The following CDH13 variants were observed in gnomAD, a reference collection of about 807,000 sequenced individuals.
CDH13 encodes cadherin-13.
A neutral mutation model predicts 63.8 loss-of-function variants in CDH13; 24 were observed. The observed-to-expected ratio is 0.38, with a 90% CI of 0.27 to 0.53. The LOEUF is 0.53. Ranked by LOEUF, CDH13 falls within the 20% of genes least tolerant of loss-of-function variation. CDH13 has a pLI of 0.85. For synonymous variants in CDH13, 503 were observed against 355.3 expected, an observed-to-expected ratio of 1.42 and a Z score of -4.67; for missense variants, 1,049 against 903.1, an observed-to-expected ratio of 1.16 and a Z score of -2.07.
chr16:83,065,680 G>A (rs1226622543), intron 3 of CDH13, among the ~76,000 whole-genome samples: 1 of 151,216 alleles, frequency 6.6e-6, no homozygotes, highest in African/African-American at 2.4e-5. Flanking sequence ...ATTCTAGCCT[G>A]GGTGACAGAA....
At chr16:82,671,673 C>T (rs1039857872) in intron 1 of CDH13, among the ~76,000 whole-genome samples, 4 of 152,128 alleles carry the variant, frequency 2.6e-5, no homozygotes, top group Non-Finnish European at 4.4e-5. Flanking sequence ...TGCTGATCTT[C>T]GTGAATCCAA....
intron 1 of CDH13, among the ~76,000 whole-genome samples, chr16:82,629,722 A>C (rs1907782567): frequency 6.6e-6 from 1 of 152,152 alleles, no homozygotes; most frequent in Non-Finnish European, 1.5e-5. Flanking sequence ...GGAGGTGAGG[A>C]ATTCTAAGCA....
At chr16:83,038,939 C>T (rs1393169157) in intron 3 of CDH13, among the ~76,000 whole-genome samples, 1 of 152,152 alleles carries the variant, frequency 6.6e-6, no homozygotes, top group Non-Finnish European at 1.5e-5. Context: ...TGGGAAGTGA[C>T]ATCAAGGGGC....
At chr16:82,993,496 G>A (rs569838792) in intron 2 of CDH13, among the ~76,000 whole-genome samples, 79 of 152,212 alleles carry the variant, frequency 5.2e-4, no homozygotes, top group African/African-American at 1.8e-3. Flanking sequence ...TGACTTCCTC[G>A]CCAGCCTCTT....
chr16:82,985,798 C>T (rs1162116169), intron 2 of CDH13, among the ~76,000 whole-genome samples: 1 of 152,174 alleles, frequency 6.6e-6, no homozygotes, highest in Non-Finnish European at 1.5e-5. Flanking sequence ...AAATGGTTTA[C>T]TACCATCTTG....
intron 1 of CDH13, among the ~76,000 whole-genome samples, chr16:82,742,438 TAACTG>T: frequency 6.6e-6 from 1 of 152,332 alleles, no homozygotes; most frequent in South Asian, 2.1e-4. Context: ...CTTGTACTGT[TAACTG>T]GGCTTGTGTG....
intron 7 of CDH13, among the ~76,000 whole-genome samples, chr16:83,587,873 C>A (rs1240108328): frequency 2.0e-5 from 3 of 152,194 alleles, no homozygotes; most frequent in South Asian, 2.1e-4. Flanking sequence ...GCAAATATGG[C>A]CCCCCAGGGT....
chr16:83,781,491 C>T (rs1915519315), intron 12 of CDH13, among the ~76,000 whole-genome samples: 1 of 152,156 alleles, frequency 6.6e-6, no homozygotes, highest in East Asian at 1.9e-4. Context: ...TTGTGCATAA[C>T]ATTTTCTATT....
chr16:83,140,672 C>G (rs2036491562), intron 4 of CDH13, among the ~76,000 whole-genome samples: 1 of 152,132 alleles, frequency 6.6e-6, no homozygotes, highest in Admixed American at 6.5e-5. Context: ...CCAGGCTTGT[C>G]TCGAACTCCT....
At chr16:83,623,492 G>A (rs1040406807) in intron 8 of CDH13, among the ~76,000 whole-genome samples, 2 of 152,128 alleles carry the variant, frequency 1.3e-5, no homozygotes, top group Non-Finnish European at 2.9e-5. Context: ...CGTCCCCTTC[G>A]GCCTCGGAGC....
In CDH13 at chr16:82,841,877, G is replaced by A. The variant is rs547913680; in HGVS notation, c.46-16485G>A. Among the ~76,000 whole-genome samples, 24 of 151,878 alleles carry A rather than the reference G, an allele frequency of 1.6e-4. No individual in the cohort carries two copies. The South Asian group carries it at 3.5e-3, about 22-fold the overall frequency. ...GTTGTACACAGCTCTTCACAACTCC[G>A]TATTCAGTGATTTCACATTAGTAGC... On this transcript the variant is annotated intron_variant, in intron 1 of 13. Transcript: ENST00000567109.
chr16:82,792,210 T>G (rs1001703920), intron 1 of CDH13, among the ~76,000 whole-genome samples: 2 of 152,174 alleles, frequency 1.3e-5, no homozygotes, highest in African/African-American at 4.8e-5. Context: ...CACCTTGCTG[T>G]CCTGGCATCC....
intron 7 of CDH13, among the ~76,000 whole-genome samples, chr16:83,586,824 T>A (rs1906207869): frequency 6.6e-6 from 1 of 152,216 alleles, no homozygotes; most frequent in African/African-American, 2.4e-5. Context: ...TTTTTCTCCC[T>A]GGTCCACGAA....
chr16:82,837,516 C>T (rs59506198), intron 1 of CDH13, among the ~76,000 whole-genome samples: 19,822 of 152,040 alleles, frequency 0.13, 1,645 homozygotes, highest in African/African-American at 0.23. Flanking sequence ...AGATTTATTA[C>T]GGTGAAAATA....
chr16:83,399,035 G>C (rs1366947956), intron 6 of CDH13, among the ~76,000 whole-genome samples: 1 of 152,166 alleles, frequency 6.6e-6, no homozygotes, highest in Non-Finnish European at 1.5e-5. Context: ...CAAAGCCATA[G>C]ACCATTCAAA....
At chr16:82,968,259 T>C (rs1013712751) in intron 2 of CDH13, among the ~76,000 whole-genome samples, 3 of 152,224 alleles carry the variant, frequency 2.0e-5, no homozygotes, top group Non-Finnish European at 4.4e-5. Context: ...TCAAGTATCC[T>C]AGCACGTCAA....
chr16:82,752,603 G>A (rs898032273), intron 1 of CDH13, among the ~76,000 whole-genome samples: 15 of 152,186 alleles, frequency 9.9e-5, no homozygotes, highest in African/African-American at 3.6e-4. Flanking sequence ...TCATGTGCAA[G>A]TAACAAACAC....
chr16:83,580,051 A>G (rs1905412487), intron 7 of CDH13, among the ~76,000 whole-genome samples: 1 of 152,074 alleles, frequency 6.6e-6, no homozygotes, highest in African/African-American at 2.4e-5. Flanking sequence ...AGTACTGCTG[A>G]TAGATAATGG....
intron 5 of CDH13, among the ~76,000 whole-genome samples, chr16:83,300,038 C>A (rs1315496577): frequency 6.6e-6 from 1 of 152,160 alleles, no homozygotes; most frequent in Non-Finnish European, 1.5e-5. Context: ...GGAGTAATAT[C>A]CCATCACTTT....
Sources: gnomAD v4.1 joint callset for allele counts (sites outside exome capture counted in the v4.1 genomes callset) on GRCh38, gnomAD v4.1.1 for gene constraint, MANE v1.5 for transcripts, NCBI Gene and HGNC (gene_info 2026-07-23, HGNC 2026-07-21) for gene names.